Variants in AGTR1 observed in about 807,000 individuals in gnomAD.
The protein encoded by AGTR1 is type-1 angiotensin II receptor.
In AGTR1, 16 loss-of-function variants were observed where a neutral mutation model predicts 19.4. The observed-to-expected ratio is 0.82, with a 90% confidence interval of 0.56 to 1.25. The LOEUF (loss-of-function observed/expected upper bound fraction) is 1.25, where lower values mean the gene tolerates loss of function less well. Among genes scored for constraint, AGTR1 ranks in the 50% most tolerant of loss-of-function variants. The pLI is 0.00. For synonymous variants in AGTR1, 153 were observed against 154.9 expected, an observed-to-expected ratio of 0.99 and a Z score of 0.09; for missense variants, 373 against 431.9, an observed-to-expected ratio of 0.86 and a Z score of 1.21.
intron 2 of AGTR1, chr3:148,731,558 A>G (rs1029240722): frequency 6.6e-6 from 1 of 152,224 alleles, no homozygotes; most frequent in Non-Finnish European, 1.5e-5. Context: ...TAGAACAATT[A>G]TATTTTTAAA....
intron 2 of AGTR1, among the ~76,000 whole-genome samples, chr3:148,721,706 A>G (rs1713646871): frequency 6.6e-6 from 1 of 152,180 alleles, no homozygotes; most frequent in Non-Finnish European, 1.5e-5. Flanking sequence ...AGAGAGGCCA[A>G]GGAGGCTAGA....
chr3:148,724,337 G>A (rs1261816215), intron 2 of AGTR1, among the ~76,000 whole-genome samples: 1 of 152,120 alleles, frequency 6.6e-6, no homozygotes, highest in African/African-American at 2.4e-5. Flanking sequence ...ACAATAGAAT[G>A]CTATGAATCT....
intron 2 of AGTR1, among the ~76,000 whole-genome samples, chr3:148,726,601 T>G (rs1303686439): frequency 6.6e-6 from 1 of 152,246 alleles, no homozygotes; most frequent in Non-Finnish European, 1.5e-5. Context: ...AGCATCAGCA[T>G]TCATGATATC....
At chr3:148,699,911 C>A (rs905236959) in intron 1 of AGTR1, among the ~76,000 whole-genome samples, 4 of 152,104 alleles carry the variant, frequency 2.6e-5, no homozygotes, top group Admixed American at 6.6e-5. Context: ...TTCCATCATC[C>A]AACTCAGAAT....
At position 148,742,917 on chromosome 3, in the gene AGTR1, A is replaced by T. The variant is rs1038018160; in HGVS notation, c.*802A>T. On this transcript the variant is annotated 3_prime_UTR_variant, in exon 3 of 3. Transcript: ENST00000349243. ...GTATATATTCTACACATATATGTAT[A>T]TGTATATCTATATCTCTAAACTGCT... 6.0e-6 allele frequency: 1 copy of T among 166,444 alleles called. No homozygotes were observed. The highest frequency in any genetic ancestry group is 2.4e-5 in the African/African-American group (1 of 41,438). 10.3% of individuals were successfully genotyped at this position (166,444 alleles called of 1,614,324 possible). A position where few individuals can be genotyped will look rare whatever the true frequency, so the allele number is the denominator to read the frequency against.
chr3:148,702,298 A>G (rs1712395284), intron 1 of AGTR1, among the ~76,000 whole-genome samples: 1 of 152,036 alleles, frequency 6.6e-6, no homozygotes, highest in African/African-American at 2.4e-5. Context: ...TTTTAAAGAG[A>G]ATTTGTTGTT....
Position 148,742,138 on chromosome 3 carries a change from A to C in AGTR1, c.*23A>C, listed in dbSNP as rs1293920332. On this transcript the variant is annotated 3_prime_UTR_variant, in exon 3 of 3. Coordinates refer to ENST00000349243, the MANE Select transcript of AGTR1 (RefSeq NM_000685.5). ...TGACATGTTCGAAACCTGTCCATAA[A>C]GTAATTTTGTGAAAGAAGGAGCAAG... The C allele has an allele frequency of 6.2e-7, 1 of 1,613,732 alleles. No individual in the cohort carries two copies. The highest frequency in any genetic ancestry group is 1.1e-5 in the South Asian group (1 of 91,052).
chr3:148,700,815 G>T (rs937477731), intron 1 of AGTR1, among the ~76,000 whole-genome samples: 2 of 152,172 alleles, frequency 1.3e-5, no homozygotes, highest in African/African-American at 4.8e-5. Context: ...AACACGTGAT[G>T]ATTGGAAAAT....
chr3:148,740,072 A>T, intron 2 of AGTR1: 1 of 992,672 alleles, frequency 1.0e-6, no homozygotes, highest in Non-Finnish European at 1.3e-6. Flanking sequence ...TTGACTGTTG[A>T]TTATGTAGAA....
At chr3:148,732,730 ATTTTTTTTTTT>A (rs778034622) in intron 2 of AGTR1, among the ~76,000 whole-genome samples, 2 of 109,970 alleles carry the variant, frequency 1.8e-5, no homozygotes, top group South Asian at 5.8e-4. Context: ...GCTTCGGAAA[ATTTTTTTTTTT>A]TTTTTTTTTT....
intron 2 of AGTR1, among the ~76,000 whole-genome samples, chr3:148,738,881 C>T (rs768959700): frequency 1.3e-5 from 2 of 152,202 alleles, no homozygotes; most frequent in Non-Finnish European, 2.9e-5. Flanking sequence ...CTATGCTGCT[C>T]ACCCATTCAT....
intron 2 of AGTR1, among the ~76,000 whole-genome samples, chr3:148,715,791 C>CCAT (rs1376598055): frequency 2.0e-5 from 3 of 152,016 alleles, no homozygotes; most frequent in African/African-American, 4.8e-5. Flanking sequence ...AAAAATTGGA[C>CCAT]CATAAGAAAG....
chr3:148,724,706 T>C (rs370012830), intron 2 of AGTR1, among the ~76,000 whole-genome samples: 10 of 152,174 alleles, frequency 6.6e-5, no homozygotes, highest in African/African-American at 2.2e-4. Context: ...AATGACTTTT[T>C]ATGTAAAGAG....
At chr3:148,704,366 G>GAAT (rs143151099) in intron 1 of AGTR1, among the ~76,000 whole-genome samples, 64,320 of 149,756 alleles carry the variant, frequency 0.43, 15,483 homozygotes, top group African/African-American at 0.68. Context: ...ACCCTGTCTC[G>GAAT]AATAATAATA....
At position 148,741,854 on chromosome 3, in the gene AGTR1, C is replaced by A; in HGVS notation, c.819C>A (p.Asp273Glu). 6.2e-7 allele frequency: 1 copy of A among 1,614,098 alleles called. No homozygotes were observed. Among genetic ancestry groups the A allele is most frequent in the Non-Finnish European group, 8.5e-7 (1 of 1,180,016 alleles). The change falls in exon 3 of 3, where the codon GAC (aspartate) becomes GAA (glutamate). Residue 273 changes from aspartate to glutamate, a missense_variant. Physicochemically the swap from Asp to Glu is conservative, Grantham distance 45. Coordinates refer to ENST00000349243, the MANE Select transcript of AGTR1 (RefSeq NM_000685.5). ...DVLIQLGIIR[D>E]CRIADIVDTA... ...TGATTCAACTAGGCATCATACGTGACTGTAGAATTGCAGATATTGTGGACA... is the reference window on the plus strand; with the variant it reads ...TGATTCAACTAGGCATCATACGTGAATGTAGAATTGCAGATATTGTGGACA...
intron 2 of AGTR1, among the ~76,000 whole-genome samples, chr3:148,719,672 C>T (rs1343613844): frequency 6.6e-6 from 1 of 152,108 alleles, no homozygotes; most frequent in Non-Finnish European, 1.5e-5. Context: ...ACTCCATGTG[C>T]CTCTAGACTA....
At chr3:148,740,228 A>T (rs976297516) in intron 2 of AGTR1, among the ~76,000 whole-genome samples, 1 of 152,228 alleles carries the variant, frequency 6.6e-6, no homozygotes, top group Non-Finnish European at 1.5e-5. Context: ...TTCATTTGAC[A>T]TCTTTGTTAC....
chr3:148,717,308 A>C (rs1350756993), intron 2 of AGTR1, among the ~76,000 whole-genome samples: 1 of 152,192 alleles, frequency 6.6e-6, no homozygotes, highest in Non-Finnish European at 1.5e-5. Flanking sequence ...CAACAAAAAA[A>C]AATAGGCTAA....
chr3:148,711,761 A>G (rs954151289), intron 2 of AGTR1, among the ~76,000 whole-genome samples: 2 of 152,078 alleles, frequency 1.3e-5, no homozygotes, highest in Non-Finnish European at 2.9e-5. Context: ...ATAGACAGAT[A>G]TTTTTGAGAC....
Sources: gnomAD v4.1 joint callset for allele counts (sites outside exome capture counted in the v4.1 genomes callset) on GRCh38, gnomAD v4.1.1 for gene constraint, MANE v1.5 for transcripts, NCBI Gene and HGNC (gene_info 2026-07-23, HGNC 2026-07-21) for gene names.